The following EVA1A variants were observed in gnomAD, a reference collection of about 807,000 sequenced individuals.
EVA1A encodes eva-1 homolog A, regulator of programmed cell death, also known as protein eva-1 homolog A.
A neutral mutation model predicts 9.8 loss-of-function variants in EVA1A; 7 were observed. The ratio of observed to expected loss-of-function variants is 0.71; its 90% confidence interval spans 0.41 to 1.34. The LOEUF is 1.34. Among genes scored for constraint, EVA1A ranks in the 40% most tolerant of loss-of-function variants. The pLI is 0.01. For missense variants in EVA1A, 206 were observed against 205.9 expected (o/e 1.00, Z 0.00); for synonymous variants, 90 against 85.6 (o/e 1.05, Z -0.28).
chr2:75,518,656 T>C, intron 2 of EVA1A: 2 of 987,834 alleles, frequency 2.0e-6, no homozygotes, highest in South Asian at 9.3e-5. Flanking sequence ...CTGGAACTCT[T>C]TATTTGATTC....
chr2:75,524,697 T>C (rs554829869), intron 1 of EVA1A, among the ~76,000 whole-genome samples: 126 of 152,232 alleles, frequency 8.3e-4, no homozygotes, highest in Non-Finnish European at 1.4e-3. Context: ...TCCAGAGAAA[T>C]AGAGGGCACC....
intron 3 of EVA1A, among the ~76,000 whole-genome samples, chr2:75,499,501 C>T (rs1419138942): frequency 1.3e-5 from 2 of 152,154 alleles, no homozygotes; most frequent in African/African-American, 4.8e-5. Flanking sequence ...GTCAAAATCA[C>T]TGGGATAAAG....
At chr2:75,533,149 T>TAA (rs535862439) in intron 1 of EVA1A, among the ~76,000 whole-genome samples, 3 of 116,660 alleles carry the variant, frequency 2.6e-5, no homozygotes, top group African/African-American at 6.2e-5. Flanking sequence ...ACCCTGTCTT[T>TAA]AAAAAAAAAA....
intron 1 of EVA1A, among the ~76,000 whole-genome samples, chr2:75,529,213 T>C (rs1052624304): frequency 1.7e-4 from 26 of 152,068 alleles, no homozygotes; most frequent in Admixed American, 6.6e-4. Flanking sequence ...CTTAAATATA[T>C]ATGTACCCAA....
At chr2:75,497,867 A>AT in intron 3 of EVA1A, among the ~76,000 whole-genome samples, 1 of 151,498 alleles carries the variant, frequency 6.6e-6, no homozygotes, top group South Asian at 2.1e-4. Context: ...AAAAAAAAAA[A>AT]AAAAAAGTGG....
chr2:75,566,571 A>G (rs1020745382), intron 1 of EVA1A, among the ~76,000 whole-genome samples: 4 of 152,234 alleles, frequency 2.6e-5, no homozygotes, highest in African/African-American at 9.6e-5. Context: ...AGTAAAAAGC[A>G]GCAATTAAGT....
intron 1 of EVA1A, among the ~76,000 whole-genome samples, chr2:75,538,252 A>C (rs1368313816): frequency 6.6e-6 from 1 of 152,148 alleles, no homozygotes; most frequent in Non-Finnish European, 1.5e-5. Flanking sequence ...CTGAGATTGC[A>C]CCACTGCACT....
At chr2:75,555,431 G>A (rs193158635) in intron 1 of EVA1A, among the ~76,000 whole-genome samples, 1 of 150,978 alleles carries the variant, frequency 6.6e-6, no homozygotes, top group East Asian at 2.0e-4. Flanking sequence ...ACTTTTGGAT[G>A]CTCTAAAGGT....
At chr2:75,531,834 A>G (rs116607846) in intron 1 of EVA1A, among the ~76,000 whole-genome samples, 9,662 of 152,236 alleles carry the variant, frequency 0.063, 417 homozygotes, top group Middle Eastern at 0.16. Context: ...TGATACTTGC[A>G]CCAAAATCTC....
chr2:75,502,097 T>C (rs1270997270), intron 3 of EVA1A, among the ~76,000 whole-genome samples: 2 of 152,200 alleles, frequency 1.3e-5, no homozygotes, highest in African/African-American at 4.8e-5. Flanking sequence ...CAACCTCTCT[T>C]GTGTTAGTAG....
chr2:75,554,888 T>A (rs1676647972), intron 1 of EVA1A, among the ~76,000 whole-genome samples: 1 of 152,200 alleles, frequency 6.6e-6, no homozygotes, highest in South Asian at 2.1e-4. Context: ...ATATCTTCTC[T>A]GTCATGGCAC....
chr2:75,546,704 T>C (rs969982521), intron 1 of EVA1A, among the ~76,000 whole-genome samples: 1 of 152,036 alleles, frequency 6.6e-6, no homozygotes, highest in Non-Finnish European at 1.5e-5. Flanking sequence ...CCTAAAAATA[T>C]GGGGAACTCC....
intron 1 of EVA1A, among the ~76,000 whole-genome samples, chr2:75,545,046 T>C (rs902181335): frequency 6.6e-6 from 1 of 152,260 alleles, no homozygotes; most frequent in Non-Finnish European, 1.5e-5. Context: ...AAAAACTAAA[T>C]TTATCAAGCT....
chr2:75,552,288 TTAATA>T (rs1161262349), intron 1 of EVA1A, among the ~76,000 whole-genome samples: 1 of 152,204 alleles, frequency 6.6e-6, no homozygotes, highest in Non-Finnish European at 1.5e-5. Context: ...CCTAACTATC[TTAATA>T]TTTCAAACTC....
intron 1 of EVA1A, among the ~76,000 whole-genome samples, chr2:75,558,186 A>G (rs1676789832): frequency 6.6e-6 from 1 of 152,198 alleles, no homozygotes. Flanking sequence ...CTAAACTTGA[A>G]CCATGTCCTG....
At chr2:75,539,924 G>C (rs1676051280) in intron 1 of EVA1A, among the ~76,000 whole-genome samples, 1 of 152,182 alleles carries the variant, frequency 6.6e-6, no homozygotes, top group Non-Finnish European at 1.5e-5. Context: ...AGAGTCACCA[G>C]GAAGAACCAG....
intron 3 of EVA1A, among the ~76,000 whole-genome samples, chr2:75,511,381 C>T (rs1674805383): frequency 6.6e-6 from 1 of 152,152 alleles, no homozygotes; most frequent in Admixed American, 6.6e-5. Flanking sequence ...ACCATTTTCA[C>T]TGGACATAAG....
At chr2:75,549,768 C>T (rs1403011335) in intron 1 of EVA1A, among the ~76,000 whole-genome samples, 1 of 152,226 alleles carries the variant, frequency 6.6e-6, no homozygotes, top group East Asian at 1.9e-4. Context: ...TCCCGTGTGG[C>T]CTTTTGGATT....
At chr2:75,508,727 C>T (rs960688245) in intron 3 of EVA1A, among the ~76,000 whole-genome samples, 1 of 152,082 alleles carries the variant, frequency 6.6e-6, no homozygotes, top group African/African-American at 2.4e-5. Context: ...TAAAAACTTG[C>T]TGGTTTTGTG....
Sources: gnomAD v4.1 joint callset for allele counts (sites outside exome capture counted in the v4.1 genomes callset) on GRCh38, gnomAD v4.1.1 for gene constraint, MANE v1.5 for transcripts, NCBI Gene and HGNC (gene_info 2026-07-23, HGNC 2026-07-21) for gene names.